ARPC1A: variants seen among roughly 807,000 people sequenced by gnomAD.
ARPC1A encodes the protein actin related protein 2/3 complex subunit 1A, also known as actin-related protein 2/3 complex subunit 1A.
A neutral mutation model predicts 46.9 loss-of-function variants in ARPC1A; 8 were observed. The ratio of observed to expected loss-of-function variants is 0.17; its 90% CI spans 0.10 to 0.31. The LOEUF is 0.31. Among genes scored for constraint, ARPC1A ranks in the 10% least tolerant of loss-of-function variants. The pLI is 1.00. For synonymous variants in ARPC1A, 152 were observed against 169.0 expected (o/e 0.90, Z 0.78); for missense variants, 286 against 483.6 (o/e 0.59, Z 3.83).
chr7:99,365,421 T>C (rs1167512378), intron 9 of ARPC1A, among the ~76,000 whole-genome samples: 1 of 151,866 alleles, frequency 6.6e-6, no homozygotes, highest in Non-Finnish European at 1.5e-5. Context: ...GGCAACACAG[T>C]GAGATCCTGT....
intron 3 of ARPC1A, among the ~76,000 whole-genome samples, chr7:99,341,725 G>A (rs1441077540): frequency 6.6e-5 from 10 of 151,974 alleles, no homozygotes. Context: ...GAAATATTTA[G>A]TTATGTGTTT....
At chr7:99,358,535 A>AAT in intron 7 of ARPC1A, 120 bp downstream of exon 7, 23 of 516,404 alleles carry the variant, frequency 4.5e-5, no homozygotes, top group Non-Finnish European at 6.3e-5. Flanking sequence ...AACAGAGCTC[A>AAT]CTTTTTTTTT....
intron 5 of ARPC1A, among the ~76,000 whole-genome samples, chr7:99,349,816 G>A (rs1393032386): frequency 2.0e-5 from 3 of 152,084 alleles, no homozygotes; most frequent in Non-Finnish European, 4.4e-5. Flanking sequence ...CTCCAGCCTG[G>A]GCGACAGAGC....
At chr7:99,333,731 A>G (rs761976991) in intron 2 of ARPC1A, among the ~76,000 whole-genome samples, 3 of 152,166 alleles carry the variant, frequency 2.0e-5, no homozygotes, top group Non-Finnish European at 2.9e-5. Context: ...AGTATTTACT[A>G]TGTTATTCTT....
At chr7:99,359,033 A>G (rs532315981) in intron 7 of ARPC1A, among the ~76,000 whole-genome samples, 275 of 146,488 alleles carry the variant, frequency 1.9e-3, no homozygotes, top group East Asian at 0.018. Context: ...GGGTTTCACC[A>G]TGTTAGCCAG....
In ARPC1A at chr7:99,348,979, G is replaced by A; in HGVS notation, c.500+20G>A. ...ATGCAGGTGGGAACCAGTGAGAACT[G>A]ATAAACTTGAGCCGTGCATTCTTCA... On this transcript the variant is annotated intron_variant, in intron 5 of 9. Coordinates refer to ENST00000262942, the MANE Select transcript of ARPC1A (RefSeq NM_006409.4). 6.3e-7 allele frequency: 1 copy of A among 1,589,496 alleles called. No homozygotes were observed. The highest frequency in any genetic ancestry group is 8.6e-7 in the Non-Finnish European group (1 of 1,159,712).
At position 99,340,468 on chromosome 7, in the gene ARPC1A, G is replaced by A. The variant is rs545535486; in HGVS notation, c.169+2183G>A. Among the ~76,000 whole-genome samples, 6 of 468 alleles carry A rather than the reference G, an allele frequency of 0.013. No homozygotes were observed. The East Asian group carries it at 0.43, about 33-fold the overall frequency. The allele number at this position is 468 out of a possible 152,430, so 0.3% of individuals were successfully genotyped here. The stretch of plus-strand genomic sequence containing the variant: ...GTGACCCTTTTTTTTCTTTTAGACA[G>A]GGTCTTGGCTCTGTTGCCCAGTCAC... On this transcript the variant is annotated intron_variant, in intron 3 of 9. Transcript: ENST00000262942.
intron 2 of ARPC1A, among the ~76,000 whole-genome samples, chr7:99,336,041 A>T (rs113876634): frequency 5.3e-5 from 8 of 152,090 alleles, no homozygotes; most frequent in African/African-American, 1.7e-4. Context: ...GTGTTTTGTG[A>T]TCATCTCACA....
At chr7:99,346,423 A>C (rs555497584) in intron 4 of ARPC1A, among the ~76,000 whole-genome samples, 73 of 152,280 alleles carry the variant, frequency 4.8e-4, no homozygotes, top group African/African-American at 1.4e-3. Context: ...TCTACAGGAA[A>C]CTTTTCTTCC....
At chr7:99,345,463 C>T (rs73163167) in intron 4 of ARPC1A, among the ~76,000 whole-genome samples, 13,756 of 152,068 alleles carry the variant, frequency 0.09, 927 homozygotes, top group African/African-American at 0.19. Context: ...CAATTATTCT[C>T]CAGCCTGGCC....
chr7:99,328,004 C>T (rs1793076543), intron 1 of ARPC1A, among the ~76,000 whole-genome samples: 1 of 152,058 alleles, frequency 6.6e-6, no homozygotes, highest in South Asian at 2.1e-4. Context: ...GGAGTAGGGC[C>T]AAGAATTTAT....
At chr7:99,358,114 C>G (rs1345056323) in intron 6 of ARPC1A, among the ~76,000 whole-genome samples, 1 of 152,058 alleles carries the variant, frequency 6.6e-6, no homozygotes, top group Non-Finnish European at 1.5e-5. Flanking sequence ...GCTTTGGGAA[C>G]CAGTTTGTCG....
rs1053257916 is a variant in ARPC1A, at chr7:99,344,653, G to T, written c.392+138G>T. Reference sequence around the variant, plus strand: ...CTCTGAAATTCTCGATTCTGTCTGAGCATTTTCCCTTCTCATGTGCATGTT... The same window carrying T: ...CTCTGAAATTCTCGATTCTGTCTGATCATTTTCCCTTCTCATGTGCATGTT... On this transcript the variant is annotated intron_variant, in intron 4 of 9. Coordinates refer to ENST00000262942, the MANE Select transcript of ARPC1A (RefSeq NM_006409.4). The T allele has an allele frequency of 4.4e-6, 4 of 906,164 alleles. No homozygotes were observed. In the Admixed American group the frequency reaches 1.1e-4, roughly 25 times the overall value. 56.1% of individuals were successfully genotyped at this position (906,164 alleles called of 1,614,324 possible).
rs1297734678 is a variant in ARPC1A at position 99,338,297 on chromosome 7, T to C, written c.169+12T>C. ...CGGACACATCACAGGTAAAGGAAGA[T>C]AGCCGTGAGCTTAGTGTGATATTTC... On this transcript the variant is annotated intron_variant, in intron 3 of 9. Coordinates refer to ENST00000262942, the MANE Select transcript of ARPC1A (RefSeq NM_006409.4). 3.2e-6 allele frequency: 5 copies of C among 1,569,946 alleles called. No individual in the cohort carries two copies. Among genetic ancestry groups the C allele is most frequent in the East Asian group, 4.5e-5 (2 of 44,494 alleles).
At chr7:99,361,721 A>G (rs1322303239) in intron 8 of ARPC1A, among the ~76,000 whole-genome samples, 1 of 152,176 alleles carries the variant, frequency 6.6e-6, no homozygotes, top group Middle Eastern at 3.2e-3. Context: ...TGATTAGTCT[A>G]CTTTTATTTG....
At position 99,365,998 on chromosome 7, in the gene ARPC1A, G is replaced by A. The variant is rs1219924808; in HGVS notation, c.*69G>A. 6.6e-7 allele frequency: 1 copy of A among 1,508,118 alleles called. No homozygotes were observed. Among genetic ancestry groups the A allele is most frequent in the Non-Finnish European group, 9.0e-7 (1 of 1,109,752 alleles). The allele number at this position is 1,508,118 out of a possible 1,614,324, so 93.4% of individuals were successfully genotyped here. ...ACCGCAGCTGTGCCGTGGCACGATG[G>A]CGAGGAAGCCAGCCCCAAGGAAACA... is the stretch of plus-strand genomic sequence containing the variant. On this transcript the variant is annotated 3_prime_UTR_variant, in exon 10 of 10. Transcript: ENST00000262942.
rs1434697751 is a variant in ARPC1A at position 99,348,942 on chromosome 7, A to G, written c.483A>G (p.Ser161=). 1.2e-6 allele frequency: 2 copies of G among 1,613,994 alleles called. No homozygotes were observed. Among genetic ancestry groups the G allele is most frequent in the East Asian group, 2.2e-5 (1 of 44,866 alleles). The change falls in exon 5 of 10, where the codon TCA becomes TCG. Residue 161 remains serine (S), a synonymous_variant. Coordinates refer to ENST00000262942, the MANE Select transcript of ARPC1A (RefSeq NM_006409.4). The stretch of plus-strand genomic sequence containing the variant: ...ACAACGTTTTGCTGGCAGCAGGATC[A>G]TGTGACTTCAAATGCAGGTGGGAAC... ...HPNNVLLAAG[S]CDFKCRVFSA...
At chr7:99,330,335 T>C (rs1793125895) in intron 1 of ARPC1A, among the ~76,000 whole-genome samples, 1 of 151,976 alleles carries the variant, frequency 6.6e-6, no homozygotes, top group South Asian at 2.1e-4. Flanking sequence ...TTTGTTTTGA[T>C]ACAGAGTCTC....
intron 6 of ARPC1A, among the ~76,000 whole-genome samples, chr7:99,356,055 CCTT>C (rs987575618): frequency 1.8e-4 from 27 of 152,216 alleles, no homozygotes; most frequent in Middle Eastern, 6.8e-3. Context: ...AGATTGGAAT[CCTT>C]CTTCTTTTAT....
Sources: gnomAD v4.1 joint callset for allele counts (sites outside exome capture counted in the v4.1 genomes callset) on GRCh38, gnomAD v4.1.1 for gene constraint, MANE v1.5 for transcripts, NCBI Gene and HGNC (gene_info 2026-07-23, HGNC 2026-07-21) for gene names.